ANXA3: variants seen among roughly 807,000 people sequenced by gnomAD.
ANXA3 encodes annexin A3.
A neutral mutation model predicts 48.8 loss-of-function variants in ANXA3; 46 were observed. The observed-to-expected ratio is 0.94, with a 90% CI of 0.74 to 1.21. The LOEUF (loss-of-function observed/expected upper bound fraction) is 1.21. Ranked by LOEUF, ANXA3 falls within the 50% of genes most tolerant of loss-of-function variation. ANXA3 has a pLI of 0.00. For synonymous variants in ANXA3, 128 were observed against 134.7 expected (o/e 0.95, Z 0.35); for missense variants, 383 against 378.6 (o/e 1.01, Z -0.10).
rs1723087583 is a variant in ANXA3 at position 78,582,247 on chromosome 4, C to T, written c.269C>T (p.Pro90Leu). ...FEHLMVALVT[P>L]PAVFDAKQLK... The stretch of plus-strand genomic sequence containing the variant: ...CATCTCATGGTGGCCCTAGTGACTC[C>T]ACCAGCAGTCTTTGATGCAAAGCAG... The change falls in exon 5 of 13, where the codon CCA becomes CTA. Residue 90 changes from proline to leucine, a missense_variant. Transcript: ENST00000264908. 3 of 1,613,654 alleles carry T rather than the reference C, an allele frequency of 1.9e-6. No homozygotes were observed. In the South Asian group the frequency reaches 3.3e-5, roughly 18 times the overall value.
At position 78,590,723 on chromosome 4, in the gene ANXA3, G is replaced by C. The variant is rs536522601; in HGVS notation, c.404-821G>C. Among the ~76,000 whole-genome samples the C allele has an allele frequency of 2.2e-4, 34 of 151,986 alleles. 1 individual carries two copies. The South Asian group carries it at 4.8e-3, about 21-fold the overall frequency. On this transcript the variant is annotated intron_variant, in intron 6 of 12. Transcript: ENST00000264908. ...TTGTAAAGGGAAATGGCATGTTTTGGGTAGCTTTCTTACTTTTGGGAGATA... is the reference window on the plus strand; with the variant it reads ...TTGTAAAGGGAAATGGCATGTTTTGCGTAGCTTTCTTACTTTTGGGAGATA...
At chr4:78,578,165 C>T (rs1722994695) in intron 3 of ANXA3, among the ~76,000 whole-genome samples, 1 of 151,668 alleles carries the variant, frequency 6.6e-6, no homozygotes. Flanking sequence ...CCTGTAATCC[C>T]AGCTACTTGG....
At chr4:78,572,015 A>G (rs1722849637) in intron 2 of ANXA3, among the ~76,000 whole-genome samples, 2 of 152,250 alleles carry the variant, frequency 1.3e-5, no homozygotes, top group Admixed American at 6.5e-5. Flanking sequence ...CCCAAGGACA[A>G]TGGTCAACAT....
In ANXA3 at chr4:78,573,220, G is replaced by A. The variant is rs5951; in HGVS notation, c.56G>A (p.Ser19Asn). 2.7e-3 allele frequency: 4,320 copies of A among 1,613,618 alleles called. 115 individuals carry two copies. In the African/African-American group the frequency reaches 0.05, roughly 19 times the overall value. Residue 19 changes from serine to asparagine, a missense_variant, in exon 3 of 13, where the codon AGC (serine) becomes AAC (asparagine). Coordinates refer to ENST00000264908, the MANE Select transcript of ANXA3 (RefSeq NM_005139.3). Reference protein sequence around the residue: ...RGTVRDYPDFSPSVDAEAIQK... With the variant: ...RGTVRDYPDFNPSVDAEAIQK... ...ACAGTAAGAGATTATCCAGACTTTAGCCCATCAGTGGATGCTGAAGCTATT... is the reference window on the plus strand; with the variant it reads ...ACAGTAAGAGATTATCCAGACTTTAACCCATCAGTGGATGCTGAAGCTATT...
intron 1 of ANXA3, chr4:78,552,163 C>T (rs1722402916): frequency 2.0e-5 from 3 of 152,366 alleles, no homozygotes; most frequent in Admixed American, 6.5e-5. Flanking sequence ...TCCTCGCTCC[C>T]TGAAAGCTTC....
At chr4:78,604,770 GAC>G (rs1723614401) in intron 12 of ANXA3, among the ~76,000 whole-genome samples, 1 of 152,160 alleles carries the variant, frequency 6.6e-6, no homozygotes, top group African/African-American at 2.4e-5. Flanking sequence ...TTTTACATGA[GAC>G]AGCATGGTTC....
intron 2 of ANXA3, among the ~76,000 whole-genome samples, chr4:78,559,761 T>C (rs76043080): frequency 0.018 from 2,731 of 152,312 alleles, 80 homozygotes; most frequent in African/African-American, 0.061. Context: ...CTTTCTCTAC[T>C]TCAGTTTCCT....
chr4:78,562,309 G>A (rs1387666915), intron 2 of ANXA3, among the ~76,000 whole-genome samples: 1 of 152,198 alleles, frequency 6.6e-6, no homozygotes, highest in African/African-American at 2.4e-5. Context: ...AATCAAAAGA[G>A]GAGAAAATTC....
chr4:78,582,241 T>A lies in ANXA3; in HGVS notation c.263T>A (p.Val88Glu). 6.2e-7 allele frequency: 1 copy of A among 1,613,892 alleles called. No individual in the cohort carries two copies. The highest frequency in any genetic ancestry group is 8.5e-7 in the Non-Finnish European group (1 of 1,179,780). Residue 88 changes from valine (V) to glutamate (E), a missense_variant, in exon 5 of 13, where the codon GTG becomes GAG. By Grantham distance (121) the Val-to-Glu change is moderately radical. Transcript: ENST00000264908. ...GHFEHLMVAL[V>E]TPPAVFDAKQ... ...TTTGAGCATCTCATGGTGGCCCTAG[T>A]GACTCCACCAGCAGTCTTTGATGCA...
Position 78,559,084 on chromosome 4 carries a change from A to C in ANXA3, c.15+4596A>C, listed in dbSNP as rs191052643. Among the ~76,000 whole-genome samples the C allele has an allele frequency of 2.3e-4, 35 of 151,854 alleles. No individual in the cohort carries two copies. In the East Asian group the frequency reaches 5.8e-3, roughly 25 times the overall value. On this transcript the variant is annotated intron_variant, in intron 2 of 12. Transcript: ENST00000264908. Reference sequence around the variant, plus strand: ...ATGGTACTAGAATTTTTCTTTCTTTATTTCTTTATTTTTTTTTGACAGAGC... The same window carrying C: ...ATGGTACTAGAATTTTTCTTTCTTTCTTTCTTTATTTTTTTTTGACAGAGC...
chr4:78,588,926 A>G (rs1171179620), intron 6 of ANXA3, among the ~76,000 whole-genome samples: 3 of 152,214 alleles, frequency 2.0e-5, no homozygotes, highest in Non-Finnish European at 2.9e-5. Flanking sequence ...CAAGGTTTAC[A>G]TATTTTACAA....
At chr4:78,606,137 G>A (rs547328968) in intron 12 of ANXA3, among the ~76,000 whole-genome samples, 9 of 152,342 alleles carry the variant, frequency 5.9e-5, no homozygotes, top group Admixed American at 2.6e-4. Flanking sequence ...GGCTGCCTTC[G>A]CAGAGGACTT....
chr4:78,610,138 G>T lies in ANXA3; in HGVS notation c.*23G>T. 1 of 1,585,984 alleles carries T rather than the reference G, an allele frequency of 6.3e-7. No homozygotes were observed. Among genetic ancestry groups the T allele is most frequent in the East Asian group, 2.2e-5 (1 of 44,494 alleles). On this transcript the variant is annotated 3_prime_UTR_variant, in exon 13 of 13. Transcript: ENST00000264908. ...TGAACCAAGAAGATAATCTCCAAAG[G>T]TCCACGATGGGCTTTCCCAACAGCT...
intron 2 of ANXA3, among the ~76,000 whole-genome samples, chr4:78,565,479 G>A (rs1336091925): frequency 6.6e-6 from 1 of 152,230 alleles, no homozygotes; most frequent in African/African-American, 2.4e-5. Context: ...AGCAGGCCTT[G>A]CTGATAGATG....
intron 2 of ANXA3, among the ~76,000 whole-genome samples, chr4:78,572,550 G>C (rs959832045): frequency 7.9e-5 from 12 of 152,156 alleles, no homozygotes; most frequent in Non-Finnish European, 1.5e-5. Flanking sequence ...CTGATTGGTT[G>C]GAGATGTAAT....
intron 11 of ANXA3, chr4:78,602,892 G>A (rs1723574542): frequency 6.6e-6 from 1 of 152,328 alleles, no homozygotes; most frequent in Non-Finnish European, 1.5e-5. Flanking sequence ...AGCCACCCCA[G>A]GCTTCTTTCC....
Position 78,596,048 on chromosome 4 carries a change from A to G in ANXA3, c.634+161A>G, listed in dbSNP as rs564832038. 2.0e-5 allele frequency among the ~76,000 whole-genome samples: 3 copies of G among 152,348 alleles called. No homozygotes were observed. The East Asian group carries it at 5.8e-4, about 29-fold the overall frequency. ...AATGGGAAAGCTGTATTGTAACTCA[A>G]GGAAGTACTGACACTACACTTTTGT... On this transcript the variant is annotated intron_variant, in intron 9 of 12. Coordinates refer to ENST00000264908, the MANE Select transcript of ANXA3 (RefSeq NM_005139.3).
At chr4:78,601,719 A>G (rs1424052034) in intron 11 of ANXA3, 151 bp downstream of exon 11, 1 of 635,946 alleles carries the variant, frequency 1.6e-6, no homozygotes, top group Admixed American at 2.8e-5. Context: ...AAGGTATGAT[A>G]CAATACACTC....
chr4:78,583,935 G>A (rs1249273497), intron 5 of ANXA3, among the ~76,000 whole-genome samples: 1 of 152,200 alleles, frequency 6.6e-6, no homozygotes, highest in African/African-American at 2.4e-5. Flanking sequence ...GATTGAATAA[G>A]TGGCATTATA....
Sources: gnomAD v4.1 joint callset for allele counts (sites outside exome capture counted in the v4.1 genomes callset) on GRCh38, gnomAD v4.1.1 for gene constraint, MANE v1.5 for transcripts, NCBI Gene and HGNC (gene_info 2026-07-23, HGNC 2026-07-21) for gene names.